FYN: variants seen among roughly 807,000 people sequenced by gnomAD.
FYN encodes the protein FYN proto-oncogene, Src family tyrosine kinase, also known as tyrosine-protein kinase Fyn.
In FYN, 10 loss-of-function variants were observed where a neutral mutation model predicts 70.2. The observed-to-expected ratio is 0.14, with a 90% CI of 0.09 to 0.24. FYN has a LOEUF of 0.24. FYN is among the 10% of genes least tolerant of loss of function. The pLI is 1.00. For missense variants in FYN, 319 were observed against 673.1 expected, an observed-to-expected ratio of 0.47 and a Z score of 5.82; for synonymous variants, 236 against 248.6, an observed-to-expected ratio of 0.95 and a Z score of 0.48.
chr6:111,770,085 G>GT (rs1803387802), intron 3 of FYN, among the ~76,000 whole-genome samples: 2 of 152,126 alleles, frequency 1.3e-5, no homozygotes, highest in African/African-American at 4.8e-5. Context: ...TATGTCTTCT[G>GT]TACTGCTGTG....
intron 3 of FYN, among the ~76,000 whole-genome samples, chr6:111,744,241 G>GCTTCA (rs1258359320): frequency 1.3e-5 from 2 of 152,246 alleles, no homozygotes; most frequent in East Asian, 3.8e-4. Context: ...TGGGGACAAA[G>GCTTCA]CTTCATATCT....
intron 9 of FYN, among the ~76,000 whole-genome samples, chr6:111,699,030 C>T (rs1264854080): frequency 1.3e-5 from 2 of 152,154 alleles, no homozygotes; most frequent in Non-Finnish European, 2.9e-5. Context: ...TTGCAGTGAG[C>T]CAATATCGCG....
chr6:111,734,852 G>C (rs1801636889), intron 3 of FYN, among the ~76,000 whole-genome samples: 1 of 152,080 alleles, frequency 6.6e-6, no homozygotes, highest in African/African-American at 2.4e-5. Flanking sequence ...AGCATATTTT[G>C]ATCCCCTTTA....
intron 12 of FYN, among the ~76,000 whole-genome samples, chr6:111,692,300 G>A (rs890650867): frequency 1.3e-5 from 2 of 152,198 alleles, no homozygotes; most frequent in Non-Finnish European, 2.9e-5. Flanking sequence ...CCTTTTGAAA[G>A]GGGCTCTGAC....
At chr6:111,722,136 T>C (rs1800980986) in intron 3 of FYN, among the ~76,000 whole-genome samples, 1 of 152,170 alleles carries the variant, frequency 6.6e-6, no homozygotes, top group Non-Finnish European at 1.5e-5. Flanking sequence ...TATCAGACTG[T>C]TCTAAAGCTC....
At chr6:111,808,109 AAAAAAAC>A (rs769373185) in intron 2 of FYN, among the ~76,000 whole-genome samples, 11 of 152,260 alleles carry the variant, frequency 7.2e-5, no homozygotes, top group Non-Finnish European at 1.0e-4. Context: ...CTCAGCCTCA[AAAAAAAC>A]AAAAAACAAA....
chr6:111,822,058 G>A (rs575588807), intron 2 of FYN, among the ~76,000 whole-genome samples: 10 of 152,290 alleles, frequency 6.6e-5, no homozygotes, highest in African/African-American at 1.9e-4. Context: ...TAACCATTGT[G>A]GAAGACACTG....
intron 12 of FYN, among the ~76,000 whole-genome samples, chr6:111,691,820 G>A (rs1583313948): frequency 6.6e-6 from 1 of 152,234 alleles, no homozygotes; most frequent in Admixed American, 6.5e-5. Flanking sequence ...TTGATGAGAT[G>A]TGGTCAGCAT....
At chr6:111,731,518 G>C (rs1344028562) in intron 3 of FYN, among the ~76,000 whole-genome samples, 1 of 152,142 alleles carries the variant, frequency 6.6e-6, no homozygotes, top group Non-Finnish European at 1.5e-5. Context: ...ATAACATGAA[G>C]CCCAGTCCCC....
At chr6:111,802,223 C>T (rs770765478) in intron 2 of FYN, among the ~76,000 whole-genome samples, 1 of 151,746 alleles carries the variant, frequency 6.6e-6, no homozygotes, top group Non-Finnish European at 1.5e-5. Flanking sequence ...GCATGTGGCA[C>T]CTCCCCCTCT....
intron 3 of FYN, among the ~76,000 whole-genome samples, chr6:111,758,011 C>T (rs556503641): frequency 2.6e-5 from 4 of 152,218 alleles, no homozygotes; most frequent in Admixed American, 6.5e-5. Context: ...TCTATATTCA[C>T]GTGGATCTTG....
chr6:111,704,161 G>A (rs772831950), intron 6 of FYN, 59 bp from the exon 7 acceptor site: 18 of 1,414,608 alleles, frequency 1.3e-5, no homozygotes, highest in Non-Finnish European at 1.8e-5. Flanking sequence ...AAATGCAACA[G>A]CATAGGCTTT....
At chr6:111,787,023 C>T (rs1348980118) in intron 2 of FYN, among the ~76,000 whole-genome samples, 14 of 152,012 alleles carry the variant, frequency 9.2e-5, no homozygotes, top group South Asian at 2.1e-4. Context: ...GTTGCCTGTT[C>T]GCTCTGATGG....
intron 2 of FYN, among the ~76,000 whole-genome samples, chr6:111,818,435 C>G (rs1255605438): frequency 6.6e-6 from 1 of 152,108 alleles, no homozygotes; most frequent in East Asian, 1.9e-4. Context: ...TAAAAAAAGG[C>G]ATATATATGA....
intron 2 of FYN, among the ~76,000 whole-genome samples, chr6:111,806,986 C>T (rs1412904564): frequency 6.6e-6 from 1 of 152,140 alleles, no homozygotes; most frequent in Non-Finnish European, 1.5e-5. Context: ...TGATTGTCCT[C>T]CACACGCTAT....
chr6:111,813,072 AC>A (rs911847878), intron 2 of FYN, among the ~76,000 whole-genome samples: 7 of 152,312 alleles, frequency 4.6e-5, no homozygotes, highest in African/African-American at 1.7e-4. Flanking sequence ...TATGCTATTT[AC>A]TTCTAATTTT....
At chr6:111,865,589 G>T (rs543572414) in intron 1 of FYN, among the ~76,000 whole-genome samples, 2 of 152,074 alleles carry the variant, frequency 1.3e-5, no homozygotes. Context: ...TACCATTCAG[G>T]CTTCTCATGT....
intron 3 of FYN, among the ~76,000 whole-genome samples, chr6:111,748,844 C>T (rs745975334): frequency 2.6e-5 from 4 of 152,046 alleles, no homozygotes; most frequent in Admixed American, 6.6e-5. Context: ...TGTGGCTACT[C>T]GGTAATTTAA....
chr6:111,802,557 CGATAGCTG>C (rs1772023024), intron 2 of FYN, among the ~76,000 whole-genome samples: 1 of 152,000 alleles, frequency 6.6e-6, no homozygotes. Flanking sequence ...TTCAGCCTCC[CGATAGCTG>C]GGACTACAGG....
Sources: allele counts gnomAD v4.1 joint callset (sites outside exome capture counted in the v4.1 genomes callset), GRCh38; gene constraint gnomAD v4.1.1; transcripts MANE v1.5; gene names NCBI Gene and HGNC (gene_info 2026-07-23, HGNC 2026-07-21).